The following CCNY variants were observed in gnomAD, a reference collection of about 807,000 sequenced individuals.
CCNY encodes cyclin Y, also known as cyclin-Y.
A neutral mutation model predicts 42.8 loss-of-function variants in CCNY; 19 were observed. The ratio of observed to expected loss-of-function variants is 0.44; its 90% confidence interval spans 0.31 to 0.65. The LOEUF (loss-of-function observed/expected upper bound fraction) is 0.65, where lower values mean the gene tolerates loss of function less well. CCNY is among the 30% of genes least tolerant of loss of function. The probability of loss-of-function intolerance (pLI) is 0.07; values close to 1 mark genes in which losing one functional copy is unlikely to be tolerated. For synonymous variants in CCNY, 165 were observed against 162.7 expected (o/e 1.01, Z -0.11); for missense variants, 370 against 437.3 (o/e 0.85, Z 1.37).
intron 1 of CCNY, among the ~76,000 whole-genome samples, chr10:35,397,704 T>C (rs759300657): frequency 6.6e-6 from 1 of 152,162 alleles, no homozygotes; most frequent in Non-Finnish European, 1.5e-5. Context: ...GCTTGAGTTA[T>C]GTCTGAACCA....
intron 8 of CCNY, among the ~76,000 whole-genome samples, chr10:35,555,403 G>A (rs1841343755): frequency 6.6e-6 from 1 of 152,128 alleles, no homozygotes; most frequent in Non-Finnish European, 1.5e-5. Context: ...AGGTACTTAG[G>A]TTGTATTCAT....
rs1304011729 is a variant in CCNY at position 35,247,854 on chromosome 10, T to C, written c.-216-255T>C. 2.5e-4 allele frequency among the ~76,000 whole-genome samples: 29 copies of C among 115,584 alleles called. No individual in the cohort carries two copies. The East Asian group carries it at 3.5e-3, about 14-fold the overall frequency. The allele number at this position is 115,584 out of a possible 152,430, so 75.8% of individuals were successfully genotyped here. A position where few individuals can be genotyped will look rare whatever the true frequency, so the allele number is the denominator to read the frequency against. Reference sequence around the variant, plus strand: ...TCGCGCCACTGCACTCCAGCCTGGGTGACAGAGCAAGACTCCATCTCAAAA... The same window carrying C: ...TCGCGCCACTGCACTCCAGCCTGGGCGACAGAGCAAGACTCCATCTCAAAA... On this transcript the variant is annotated intron_variant, in intron 1 of 11. Coordinates refer to the CCNY transcript ENST00000374706.
intron 1 of CCNY, among the ~76,000 whole-genome samples, chr10:35,397,912 A>C (rs1274135612): frequency 1.3e-5 from 2 of 152,084 alleles, no homozygotes; most frequent in African/African-American, 2.4e-5. Flanking sequence ...TTCCCAGAGG[A>C]GTGCTGGTGC....
chr10:35,520,566 T>C (rs539741553), intron 4 of CCNY, among the ~76,000 whole-genome samples: 16 of 152,278 alleles, frequency 1.1e-4, no homozygotes, highest in Non-Finnish European at 1.9e-4. Context: ...CCCTAGGTTC[T>C]AAACAGCGAT....
chr10:35,496,996 T>G (rs916258537), intron 2 of CCNY, among the ~76,000 whole-genome samples: 2 of 152,252 alleles, frequency 1.3e-5, no homozygotes, highest in African/African-American at 4.8e-5. Flanking sequence ...TTTTAAAGCC[T>G]CTGGTCCATT....
intron 1 of CCNY, among the ~76,000 whole-genome samples, chr10:35,338,991 G>C (rs867689211): frequency 2.6e-5 from 4 of 152,186 alleles, no homozygotes; most frequent in African/African-American, 9.6e-5. Context: ...TTAAGTTTCA[G>C]TCATCAGGAA....
At chr10:35,247,875 C>CAAAAAA (rs56166117) in intron 1 of CCNY, among the ~76,000 whole-genome samples, 10 of 58,120 alleles carry the variant, frequency 1.7e-4, no homozygotes, top group East Asian at 8.6e-4. Flanking sequence ...GACTCCATCT[C>CAAAAAA]AAAAAAAAAA....
At chr10:35,492,279 T>C (rs1839914913) in intron 2 of CCNY, among the ~76,000 whole-genome samples, 1 of 152,192 alleles carries the variant, frequency 6.6e-6, no homozygotes, top group African/African-American at 2.4e-5. Context: ...TGAGAGGCCA[T>C]CATCTGTGGC....
intron 3 of CCNY, among the ~76,000 whole-genome samples, chr10:35,510,955 G>C (rs908685604): frequency 5.3e-5 from 8 of 152,204 alleles, no homozygotes; most frequent in African/African-American, 1.4e-4. Flanking sequence ...TGACTCCACT[G>C]TGCTCCTGCC....
At chr10:35,367,457 A>G (rs1836833689) in intron 1 of CCNY, among the ~76,000 whole-genome samples, 1 of 152,230 alleles carries the variant, frequency 6.6e-6, no homozygotes, top group Non-Finnish European at 1.5e-5. Flanking sequence ...AAATGTGCTC[A>G]ATAGATATTA....
At chr10:35,281,131 T>G (rs1040694575) in intron 3 of CCNY, among the ~76,000 whole-genome samples, 2 of 152,096 alleles carry the variant, frequency 1.3e-5, no homozygotes, top group African/African-American at 4.8e-5. Flanking sequence ...ACCACTCACA[T>G]ACACTGGTGG....
intron 1 of CCNY, among the ~76,000 whole-genome samples, chr10:35,436,821 T>A (rs1838544495): frequency 6.6e-6 from 1 of 152,240 alleles, no homozygotes; most frequent in Non-Finnish European, 1.5e-5. Flanking sequence ...GTTTACAGGT[T>A]CATGATCTAT....
At chr10:35,320,575 G>A (rs1835809127) in intron 3 of CCNY, among the ~76,000 whole-genome samples, 1 of 152,166 alleles carries the variant, frequency 6.6e-6, no homozygotes, top group African/African-American at 2.4e-5. Context: ...AGGATGTCCA[G>A]TCTCAGGATT....
intron 2 of CCNY, among the ~76,000 whole-genome samples, chr10:35,486,953 A>G (rs1308451709): frequency 2.0e-5 from 3 of 152,122 alleles, no homozygotes; most frequent in Admixed American, 6.5e-5. Flanking sequence ...TAGCCTGTGG[A>G]TCTTTCTTCA....
intron 1 of CCNY, among the ~76,000 whole-genome samples, chr10:35,386,839 GT>G (rs1589081167): frequency 7.0e-6 from 1 of 143,404 alleles, no homozygotes; most frequent in African/African-American, 2.6e-5. Context: ...AGTAAAACCT[GT>G]TTTTTTGTTT....
chr10:35,402,527 C>T (rs1286065480), intron 1 of CCNY, among the ~76,000 whole-genome samples: 1 of 152,054 alleles, frequency 6.6e-6, no homozygotes, highest in Non-Finnish European at 1.5e-5. Flanking sequence ...AGAGAGTCCT[C>T]TTTTTTTAGC....
At chr10:35,293,099 T>C (rs1025417107) in intron 3 of CCNY, among the ~76,000 whole-genome samples, 5 of 152,316 alleles carry the variant, frequency 3.3e-5, no homozygotes, top group Non-Finnish European at 7.3e-5. Context: ...CTAAGAGTTT[T>C]ATAGTTTTAG....
intron 2 of CCNY, among the ~76,000 whole-genome samples, chr10:35,487,655 G>A (rs1839814922): frequency 6.6e-6 from 1 of 152,068 alleles, no homozygotes; most frequent in East Asian, 1.9e-4. Flanking sequence ...CAGGAGACTA[G>A]GAACTCCAAC....
intron 1 of CCNY, among the ~76,000 whole-genome samples, chr10:35,355,401 G>A (rs1015516808): frequency 3.3e-5 from 5 of 152,076 alleles, no homozygotes; most frequent in Non-Finnish European, 4.4e-5. Flanking sequence ...AACCTGCTGC[G>A]TGCGGTGGCT....
Sources: allele counts gnomAD v4.1 joint callset (sites outside exome capture counted in the v4.1 genomes callset), GRCh38; gene constraint gnomAD v4.1.1; transcripts MANE v1.5; gene names NCBI Gene and HGNC (gene_info 2026-07-23, HGNC 2026-07-21).